PRKD3: variants seen among roughly 807,000 people sequenced by gnomAD.
The protein encoded by PRKD3 is protein kinase D3.
PRKD3 carries 47 observed loss-of-function variants against 99.2 expected under a neutral mutation model. The observed-to-expected ratio is 0.47, with a 90% confidence interval of 0.38 to 0.60. The LOEUF (loss-of-function observed/expected upper bound fraction) is 0.60. PRKD3 is among the 20% of genes least tolerant of loss of function. The pLI is 0.00. For missense variants in PRKD3, 1,019 were observed against 1,088.4 expected (o/e 0.94, Z 0.90); for synonymous variants, 392 against 355.4 (o/e 1.10, Z -1.16).
At position 37,279,791 on chromosome 2, in the gene PRKD3, G is replaced by C. The variant is rs1408711958; in HGVS notation, c.1127C>G (p.Ser376Cys). The C allele has an allele frequency of 7.4e-6, 12 of 1,613,660 alleles. No individual in the cohort carries two copies. The highest frequency in any genetic ancestry group is 6.7e-5 in the East Asian group (3 of 44,836). Reference protein sequence around the residue: ...PEDKMFFLDPSDLDVERDEEA... With the variant: ...PEDKMFFLDPCDLDVERDEEA... ...TTCATCTCTTTCCACATCGAGATCA[G>C]ATGGATCCAAGAAGAACATCTTATC... Residue 376 changes from serine (S) to cysteine (C), a missense_variant, in exon 8 of 19, where the codon TCT (serine) becomes TGT (cysteine). Around this residue, in one of 3 missense-constraint regions of PRKD3, gnomAD observed 710 missense variants for 692.7 expected, o/e 1.02. Transcript: ENST00000234179.
At chr2:37,290,390 G>A (rs1670349850) in intron 4 of PRKD3, among the ~76,000 whole-genome samples, 1 of 152,016 alleles carries the variant, frequency 6.6e-6, no homozygotes, top group Non-Finnish European at 1.5e-5. Context: ...CCGCCACCAC[G>A]CCCGGCTAAG....
At chr2:37,305,671 T>A (rs1360457856) in intron 2 of PRKD3, among the ~76,000 whole-genome samples, 1 of 152,202 alleles carries the variant, frequency 6.6e-6, no homozygotes. Flanking sequence ...CTCTGTTTTT[T>A]ATAGTTTTTT....
chr2:37,320,813 G>C (rs1034589403), intron 1 of PRKD3, among the ~76,000 whole-genome samples: 1 of 152,072 alleles, frequency 6.6e-6, no homozygotes, highest in African/African-American at 2.4e-5. Flanking sequence ...CCAAATAACA[G>C]TGTTTAATAC....
intron 18 of PRKD3, 26 bp from the exon 19 acceptor site, chr2:37,253,376 T>C: frequency 6.3e-7 from 1 of 1,575,506 alleles, no homozygotes; most frequent in Non-Finnish European, 8.6e-7. Context: ...ATTGTAATGA[T>C]GAAACAAAAG....
At chr2:37,285,948 G>A (rs570312483) in intron 6 of PRKD3, among the ~76,000 whole-genome samples, 2 of 152,144 alleles carry the variant, frequency 1.3e-5, no homozygotes, top group African/African-American at 2.4e-5. Context: ...GACTGAGCAT[G>A]TAAAGGTTTA....
At chr2:37,298,558 A>G (rs1670774265) in intron 2 of PRKD3, among the ~76,000 whole-genome samples, 1 of 152,122 alleles carries the variant, frequency 6.6e-6, no homozygotes, top group African/African-American at 2.4e-5. Flanking sequence ...AGAATACGTT[A>G]ATATATATAT....
At chr2:37,278,056 C>T (rs959412810) in intron 8 of PRKD3, 67 bp from the exon 9 acceptor site, 10 of 1,354,328 alleles carry the variant, frequency 7.4e-6, no homozygotes, top group Non-Finnish European at 9.9e-6. Flanking sequence ...ACTGTAGGAA[C>T]ATGAAGCCTT....
At chr2:37,319,341 G>C (rs559447976) in intron 1 of PRKD3, among the ~76,000 whole-genome samples, 2 of 152,114 alleles carry the variant, frequency 1.3e-5, no homozygotes, top group East Asian at 1.9e-4. Context: ...AAGTCTTTAC[G>C]GAACTGCCTT....
intron 16 of PRKD3, among the ~76,000 whole-genome samples, chr2:37,259,311 T>C (rs1164192128): frequency 6.6e-6 from 1 of 152,228 alleles, no homozygotes; most frequent in Non-Finnish European, 1.5e-5. Flanking sequence ...CCAAGGTTGA[T>C]ACTTGCTCAC....
At chr2:37,294,340 CCCA>C (rs1036755177) in intron 2 of PRKD3, among the ~76,000 whole-genome samples, 1 of 152,124 alleles carries the variant, frequency 6.6e-6, no homozygotes, top group African/African-American at 2.4e-5. Context: ...AAGTGATTCC[CCCA>C]CGTCAGCCTC....
chr2:37,318,521 T>G (rs1375683641), intron 1 of PRKD3, among the ~76,000 whole-genome samples: 2 of 152,220 alleles, frequency 1.3e-5, no homozygotes, highest in Non-Finnish European at 2.9e-5. Flanking sequence ...AACACACTAT[T>G]TCTCGAAGAG....
rs536747538 is a variant in PRKD3, at chr2:37,265,284, T to C, written c.1884+2146A>G. Reference sequence around the variant, plus strand: ...AGTGTAGTAGGTTACTTCCAACCCATGTGAAAAAGTTTAGCTGTGATGCTC... The same window carrying C: ...AGTGTAGTAGGTTACTTCCAACCCACGTGAAAAAGTTTAGCTGTGATGCTC... On this transcript the variant is annotated intron_variant, in intron 14 of 18. Transcript: ENST00000234179. Among the ~76,000 whole-genome samples the C allele has an allele frequency of 1.1e-3, 161 of 152,276 alleles. 2 individuals carry two copies. The highest frequency in any genetic ancestry group is 3.2e-3 in the African/African-American group (131 of 41,562).
At chr2:37,299,511 TACACACACACACACACACACAC>T (rs70949749) in intron 2 of PRKD3, among the ~76,000 whole-genome samples, 12 of 132,596 alleles carry the variant, frequency 9.1e-5, no homozygotes, top group East Asian at 8.9e-4. Flanking sequence ...TCTACTAAAA[TACACACACACACACACACACAC>T]ACACACACAC....
intron 11 of PRKD3, among the ~76,000 whole-genome samples, chr2:37,274,144 A>G (rs1285877491): frequency 6.6e-6 from 1 of 152,214 alleles, no homozygotes; most frequent in Non-Finnish European, 1.5e-5. Context: ...ACAGTGAGGT[A>G]AAGTACTTGC....
chr2:37,260,456 T>C (rs1318451917), intron 14 of PRKD3, 72 bp from the exon 15 acceptor site: 18 of 1,357,338 alleles, frequency 1.3e-5, no homozygotes, highest in East Asian at 2.3e-5. Flanking sequence ...AGATGTGCTA[T>C]GATTGTCTGA....
chr2:37,277,261 T>C (rs1382977114), intron 9 of PRKD3, among the ~76,000 whole-genome samples: 2 of 152,194 alleles, frequency 1.3e-5, no homozygotes, highest in Admixed American at 6.5e-5. Flanking sequence ...TTACCATTAT[T>C]ATGCCAATTT....
At chr2:37,278,543 A>G (rs980749492) in intron 8 of PRKD3, 2 of 152,312 alleles carry the variant, frequency 1.3e-5, no homozygotes, top group Admixed American at 6.5e-5. Flanking sequence ...ACATGGCTCA[A>G]TAAAATTTGG....
rs574870146 is a variant in PRKD3 at position 37,273,086 on chromosome 2, T to A, written c.1652-654A>T. On this transcript the variant is annotated intron_variant, in intron 11 of 18. Coordinates refer to ENST00000234179, the MANE Select transcript of PRKD3 (RefSeq NM_005813.6). ...CTTTTGGTGAGTGGAAGAGGTGGGGTTGGGGGACAAAGAGTTTTTATACAC... is the reference window on the plus strand; with the variant it reads ...CTTTTGGTGAGTGGAAGAGGTGGGGATGGGGGACAAAGAGTTTTTATACAC... Among the ~76,000 whole-genome samples the A allele has an allele frequency of 3.3e-3, 497 of 152,042 alleles. 4 individuals are homozygous for A. Among genetic ancestry groups the A allele is most frequent in the African/African-American group, 0.011 (477 of 41,484 alleles).
intron 16 of PRKD3, 75 bp from the exon 17 acceptor site, chr2:37,257,004 T>C (rs750372430): frequency 6.4e-5 from 94 of 1,460,264 alleles, no homozygotes; most frequent in African/African-American, 4.1e-4. Flanking sequence ...AATATAACAC[T>C]GTATGTATCA....
Sources: gnomAD v4.1 joint callset for allele counts (sites outside exome capture counted in the v4.1 genomes callset) on GRCh38, gnomAD v4.1.1 for gene constraint, gnomAD v4.1.1 regional missense constraint, MANE v1.5 for transcripts, NCBI Gene and HGNC (gene_info 2026-07-23, HGNC 2026-07-21) for gene names.